The following SEMA5A variants were observed in gnomAD, a reference collection of about 807,000 sequenced individuals.
SEMA5A encodes semaphorin-5A.
Under a neutral mutation model 135.5 loss-of-function variants are expected in SEMA5A, and 55 were observed. The ratio of observed to expected loss-of-function variants is 0.41; its 90% CI spans 0.33 to 0.51. The LOEUF (loss-of-function observed/expected upper bound fraction) is 0.51. Among genes scored for constraint, SEMA5A ranks in the 20% least tolerant of loss-of-function variants. The pLI is 0.37. For synonymous variants in SEMA5A, 580 were observed against 546.5 expected (o/e 1.06, Z -0.85); for missense variants, 1,290 against 1,419.9 (o/e 0.91, Z 1.47).
chr5:9,312,588 G>A (rs1752192557), intron 5 of SEMA5A, among the ~76,000 whole-genome samples: 1 of 152,102 alleles, frequency 6.6e-6, no homozygotes. Flanking sequence ...ACATTTGTAT[G>A]TGAATATTCA....
At chr5:9,183,338 G>A (rs1744628326) in intron 11 of SEMA5A, among the ~76,000 whole-genome samples, 1 of 152,156 alleles carries the variant, frequency 6.6e-6, no homozygotes, top group Non-Finnish European at 1.5e-5. Flanking sequence ...TCTGGGTGAG[G>A]CTTGCTTCAT....
chr5:9,045,970 G>C (rs1035764008), intron 21 of SEMA5A: 3 of 152,344 alleles, frequency 2.0e-5, no homozygotes, highest in Middle Eastern at 3.4e-3. Context: ...TACTATTAAA[G>C]TTTCAAGCTT....
At chr5:9,268,045 A>AT (rs1202447805) in intron 5 of SEMA5A, among the ~76,000 whole-genome samples, 27 of 152,156 alleles carry the variant, frequency 1.8e-4, no homozygotes, top group African/African-American at 6.5e-4. Context: ...AATTTGAGCC[A>AT]TGTAAATATG....
intron 2 of SEMA5A, among the ~76,000 whole-genome samples, chr5:9,435,024 T>C (rs933011083): frequency 1.3e-5 from 2 of 152,152 alleles, no homozygotes; most frequent in African/African-American, 2.4e-5. Context: ...AAGTATCCGT[T>C]TGTAATAAAA....
Position 9,122,859 on chromosome 5 carries a change from A to G in SEMA5A, c.1600-22T>C, listed in dbSNP as rs372591875. 64 of 1,571,174 alleles carry G rather than the reference A, an allele frequency of 4.1e-5. 1 individual carries two copies. The highest frequency in any genetic ancestry group is 5.3e-5 in the Admixed American group (3 of 56,196). On this transcript the variant is annotated intron_variant, in intron 13 of 22. Coordinates refer to ENST00000382496, the MANE Select transcript of SEMA5A (RefSeq NM_003966.3). The stretch of plus-strand genomic sequence containing the variant: ...TGGTCTAGGAAGCAAAACCAAGCAG[A>G]GGTGTCAGAAAAGGTTAAAGCTGAA...
At chr5:9,498,239 A>T (rs1401626932) in intron 1 of SEMA5A, among the ~76,000 whole-genome samples, 1 of 151,772 alleles carries the variant, frequency 6.6e-6, no homozygotes, top group Admixed American at 6.6e-5. Context: ...AGGAGGCACT[A>T]CTCCTCTGTC....
intron 5 of SEMA5A, among the ~76,000 whole-genome samples, chr5:9,253,918 T>C (rs1393126122): frequency 6.6e-6 from 1 of 152,186 alleles, no homozygotes; most frequent in Non-Finnish European, 1.5e-5. Context: ...AGCATGATCA[T>C]CCTAAGATAA....
chr5:9,114,864 A>G (rs1414452578), intron 15 of SEMA5A, among the ~76,000 whole-genome samples: 1 of 152,258 alleles, frequency 6.6e-6, no homozygotes. Context: ...AAGCTGATGT[A>G]GTGACTGTAA....
At chr5:9,347,939 G>A (rs1182427818) in intron 3 of SEMA5A, among the ~76,000 whole-genome samples, 1 of 152,212 alleles carries the variant, frequency 6.6e-6, no homozygotes, top group African/African-American at 2.4e-5. Context: ...TGAAACAGGG[G>A]TGGGATTAAT....
At chr5:9,197,488 C>G (rs919826655) in intron 9 of SEMA5A, among the ~76,000 whole-genome samples, 185 bp from the exon 10 acceptor site, 6 of 152,228 alleles carry the variant, frequency 3.9e-5, no homozygotes, top group African/African-American at 1.4e-4. Context: ...GAACAAACAT[C>G]TTGGTACAGA....
intron 13 of SEMA5A, among the ~76,000 whole-genome samples, chr5:9,128,591 A>G (rs1391407117): frequency 6.6e-6 from 1 of 152,194 alleles, no homozygotes; most frequent in African/African-American, 2.4e-5. Context: ...GATATACCAC[A>G]GGATGAAAAT....
intron 4 of SEMA5A, among the ~76,000 whole-genome samples, chr5:9,319,270 G>A (rs772756408): frequency 1.3e-4 from 20 of 151,952 alleles, no homozygotes; most frequent in Non-Finnish European, 1.2e-4. Flanking sequence ...GGTTTAAAAA[G>A]AAAAGAAAAG....
rs182989785 is a variant in SEMA5A at position 9,272,432 on chromosome 5, G to A, written c.271-34542C>T. Among the ~76,000 whole-genome samples the A allele has an allele frequency of 1.3e-5, 2 of 152,134 alleles. 1 individual carries two copies. On this transcript the variant is annotated intron_variant, in intron 5 of 22. Coordinates refer to ENST00000382496, the MANE Select transcript of SEMA5A (RefSeq NM_003966.3). ...CTGGGGGAAGGGGAGGTTTTTGGCA[G>A]AGCTTCAGCAGGCTGAAACATCCCT...
At chr5:9,421,748 T>C (rs1757477875) in intron 2 of SEMA5A, among the ~76,000 whole-genome samples, 1 of 152,212 alleles carries the variant, frequency 6.6e-6, no homozygotes, top group Admixed American at 6.5e-5. Context: ...ATTTGAATTA[T>C]CCTAAGAGCA....
chr5:9,438,818 C>T (rs928827872), intron 1 of SEMA5A, among the ~76,000 whole-genome samples: 9 of 152,210 alleles, frequency 5.9e-5, no homozygotes, highest in Non-Finnish European at 1.3e-4. Context: ...GCAGTGATTC[C>T]CACACGGTCA....
intron 1 of SEMA5A, among the ~76,000 whole-genome samples, chr5:9,488,083 A>G (rs928301069): frequency 1.3e-5 from 2 of 152,134 alleles, no homozygotes; most frequent in African/African-American, 4.8e-5. Flanking sequence ...TCATCATTTC[A>G]CCACCTTTAA....
intron 1 of SEMA5A, among the ~76,000 whole-genome samples, chr5:9,504,262 A>C (rs962590285): frequency 6.6e-6 from 1 of 151,836 alleles, no homozygotes; most frequent in African/African-American, 2.4e-5. Flanking sequence ...AAAGAAATAC[A>C]TTTCACTAGC....
intron 14 of SEMA5A, among the ~76,000 whole-genome samples, chr5:9,121,317 G>A (rs1740801714): frequency 2.0e-5 from 3 of 152,126 alleles, no homozygotes; most frequent in Admixed American, 2.0e-4. Flanking sequence ...AGATCAGGAG[G>A]GGGTCACTTT....
Position 9,493,655 on chromosome 5 carries a change from A to G in SEMA5A, c.-175+51929T>C, listed in dbSNP as rs140475003. Reference sequence around the variant, plus strand: ...CTCCCAACTACTAATATGTGAAGTCAATAGTGTTGTGTTTTCTCTTCTTAG... The same window carrying G: ...CTCCCAACTACTAATATGTGAAGTCGATAGTGTTGTGTTTTCTCTTCTTAG... On this transcript the variant is annotated intron_variant, in intron 1 of 22. Transcript: ENST00000382496. Among the ~76,000 whole-genome samples the G allele has an allele frequency of 9.2e-5, 14 of 152,324 alleles. No homozygotes were observed. In the East Asian group the frequency reaches 2.5e-3, roughly 27 times the overall value.
Sources: allele counts gnomAD v4.1 joint callset (sites outside exome capture counted in the v4.1 genomes callset), GRCh38; gene constraint gnomAD v4.1.1; transcripts MANE v1.5; gene names NCBI Gene and HGNC (gene_info 2026-07-23, HGNC 2026-07-21).